Variants in TDRD7 observed in about 807,000 individuals in gnomAD.
TDRD7 encodes tudor domain-containing protein 7.
Under a neutral mutation model 109.8 loss-of-function variants are expected in TDRD7, and 47 were observed. The observed-to-expected ratio is 0.43, with a 90% CI of 0.34 to 0.55. The LOEUF is 0.55. TDRD7 is among the 20% of genes least tolerant of loss of function. The pLI is 0.03. For synonymous variants in TDRD7, 424 were observed against 457.3 expected (o/e 0.93, Z 0.93); for missense variants, 1,164 against 1,319.2 (o/e 0.88, Z 1.82).
intron 6 of TDRD7, among the ~76,000 whole-genome samples, chr9:97,453,883 C>T (rs1015404137): frequency 3.9e-5 from 6 of 152,070 alleles, no homozygotes; most frequent in Non-Finnish European, 7.4e-5. Flanking sequence ...AATACAAGAG[C>T]GCGCAGATTC....
rs569255970 is a variant in TDRD7 at position 97,480,616 on chromosome 9, G to A, written c.2302-212G>A. 3.6e-5 allele frequency: 20 copies of A among 556,012 alleles called. 1 individual carries two copies. The highest frequency in any genetic ancestry group is 3.2e-4 in the African/African-American group (17 of 53,742). The allele number at this position is 556,012 out of a possible 1,614,324, so 34.4% of individuals were successfully genotyped here. A position where few individuals can be genotyped will look rare whatever the true frequency, so the allele number is the denominator to read the frequency against. ...TATGGAGTGCTGGGGGTAAGCCCTGGCTCATAAAGGAGTAAAGACAATAGT... is the reference window on the plus strand; with the variant it reads ...TATGGAGTGCTGGGGGTAAGCCCTGACTCATAAAGGAGTAAAGACAATAGT... On this transcript the variant is annotated intron_variant, in intron 13 of 16. Coordinates refer to ENST00000355295, the MANE Select transcript of TDRD7 (RefSeq NM_014290.3).
At chr9:97,420,327 T>G (rs1348367080) in intron 1 of TDRD7, among the ~76,000 whole-genome samples, 1 of 118,030 alleles carries the variant, frequency 8.5e-6, no homozygotes, top group African/African-American at 3.3e-5. Flanking sequence ...CAGAGAGGGC[T>G]GACCACAGAG....
At chr9:97,494,234 C>T in intron 16 of TDRD7, among the ~76,000 whole-genome samples, 1 of 152,198 alleles carries the variant, frequency 6.6e-6, no homozygotes, top group Non-Finnish European at 1.5e-5. Flanking sequence ...ATGAAATTTT[C>T]ACAATTTATG....
intron 1 of TDRD7, among the ~76,000 whole-genome samples, chr9:97,425,832 G>T (rs906993509): frequency 6.6e-5 from 10 of 152,148 alleles, no homozygotes; most frequent in Admixed American, 5.2e-4. Context: ...CAGTTTCATT[G>T]CTGTGCAAAC....
At chr9:97,441,554 C>G in intron 5 of TDRD7, 104 bp from the exon 6 acceptor site, 1 of 1,050,498 alleles carries the variant, frequency 9.5e-7, no homozygotes, top group Non-Finnish European at 1.4e-6. Flanking sequence ...TTGGCTACCA[C>G]AAGCCCACAC....
At chr9:97,469,255 T>C (rs751114630) in intron 8 of TDRD7, among the ~76,000 whole-genome samples, 5 of 152,172 alleles carry the variant, frequency 3.3e-5, no homozygotes, top group African/African-American at 7.2e-5. Flanking sequence ...CAGGTGCTAA[T>C]TTAGGATTGG....
At chr9:97,495,520 G>A (rs1463418639) in intron 16 of TDRD7, 143 bp from the exon 17 acceptor site, 4 of 781,580 alleles carry the variant, frequency 5.1e-6, no homozygotes, top group Non-Finnish European at 6.7e-6. Flanking sequence ...AGATTGTTCA[G>A]TAACCGTTTT....
At chr9:97,492,370 A>G (rs1451077231) in intron 16 of TDRD7, among the ~76,000 whole-genome samples, 1 of 152,214 alleles carries the variant, frequency 6.6e-6, no homozygotes, top group Non-Finnish European at 1.5e-5. Flanking sequence ...ATCTTGTCCA[A>G]GATCCCACAC....
At chr9:97,432,437 G>A (rs1425399390) in intron 4 of TDRD7, among the ~76,000 whole-genome samples, 199 bp downstream of exon 4, 1 of 152,156 alleles carries the variant, frequency 6.6e-6, no homozygotes, top group East Asian at 1.9e-4. Context: ...TATTTTCTCT[G>A]TATTGTCAAT....
chr9:97,451,612 G>A (rs1433186180), intron 6 of TDRD7, among the ~76,000 whole-genome samples: 1 of 152,208 alleles, frequency 6.6e-6, no homozygotes, highest in Admixed American at 6.5e-5. Flanking sequence ...TAGTAAACCA[G>A]TAAACATGTT....
intron 2 of TDRD7, among the ~76,000 whole-genome samples, chr9:97,430,519 G>T (rs576951160): frequency 6.6e-6 from 1 of 152,228 alleles, no homozygotes; most frequent in East Asian, 1.9e-4. Flanking sequence ...AAAGAGCCTC[G>T]CCATGTGACT....
intron 16 of TDRD7, among the ~76,000 whole-genome samples, chr9:97,488,335 G>A (rs1829246191): frequency 6.6e-6 from 1 of 152,210 alleles, no homozygotes; most frequent in African/African-American, 2.4e-5. Context: ...TGTCAGCAAT[G>A]AAAGAAATTG....
chr9:97,454,249 G>A (rs775375230), intron 6 of TDRD7, among the ~76,000 whole-genome samples: 3 of 152,216 alleles, frequency 2.0e-5, no homozygotes, highest in Non-Finnish European at 4.4e-5. Flanking sequence ...GGGAGGCTGA[G>A]GTGGGTGGAT....
At chr9:97,482,037 A>G (rs1267637582) in intron 14 of TDRD7, among the ~76,000 whole-genome samples, 1 of 152,142 alleles carries the variant, frequency 6.6e-6, no homozygotes, top group Non-Finnish European at 1.5e-5. Context: ...TATCATTCCT[A>G]AGATAAACCA....
rs970330260 is a variant in TDRD7 at position 97,412,836 on chromosome 9, G to C, written c.-7+598G>C. Among the ~76,000 whole-genome samples the C allele has an allele frequency of 1.3e-5, 2 of 152,180 alleles. No homozygotes were observed. Among genetic ancestry groups the C allele is most frequent in the African/African-American group, 4.8e-5 (2 of 41,436 alleles). On this transcript the variant is annotated intron_variant, in intron 1 of 16. Transcript: ENST00000355295. This position sits in a 1 kb window ranked among gnomAD's most constrained non-coding sequence, Gnocchi z 4.3. ...AGCACCCAGCTGGGAGGGAAACATG[G>C]ATCCGTGAGTAAGTTGTCTCTCAAC...
At position 97,478,503 on chromosome 9, in the gene TDRD7, C is replaced by G. The variant is rs756944630; in HGVS notation, c.2231C>G (p.Ser744Cys). ...TTCCTGGACTCTGGCACTGTGACAT[C>G]TGTAAAAGTGTCAGAGCTCAGGGAA... ...VQFLDSGTVT[S>C]VKVSELREIP... The change falls in exon 13 of 17, where the codon TCT becomes TGT. Residue 744 changes from serine to cysteine, a missense_variant. Physicochemically the swap from Ser to Cys is moderately radical, Grantham distance 112. Around this residue, in one of 5 missense-constraint regions of TDRD7, gnomAD observed 233 missense variants for 218.0 expected, o/e 1.07. Coordinates refer to ENST00000355295, the MANE Select transcript of TDRD7 (RefSeq NM_014290.3). 2 of 1,613,898 alleles carry G rather than the reference C, an allele frequency of 1.2e-6. No homozygotes were observed. The highest frequency in any genetic ancestry group is 1.7e-6 in the Non-Finnish European group (2 of 1,179,966).
At chr9:97,490,909 CTTTTTTTTTTTTTTT>C (rs1174656625) in intron 16 of TDRD7, among the ~76,000 whole-genome samples, 4 of 77,648 alleles carry the variant, frequency 5.2e-5, no homozygotes, top group Non-Finnish European at 9.4e-5. Flanking sequence ...CTTTTCTTTT[CTTTTTTTTTTTTTTT>C]TTTTTTTTTG....
intron 1 of TDRD7, among the ~76,000 whole-genome samples, chr9:97,426,423 T>C (rs927288111): frequency 6.6e-6 from 1 of 152,124 alleles, no homozygotes; most frequent in African/African-American, 2.4e-5. Context: ...AGCTAATTTT[T>C]CTATTTTTTG....
chr9:97,467,636 A>G (rs1187652416), intron 8 of TDRD7, among the ~76,000 whole-genome samples: 2 of 152,262 alleles, frequency 1.3e-5, no homozygotes, highest in African/African-American at 2.4e-5. Flanking sequence ...TTTTAGTACA[A>G]TGAAGGAAAT....
Sources: allele counts gnomAD v4.1 joint callset (sites outside exome capture counted in the v4.1 genomes callset), GRCh38; gene constraint gnomAD v4.1.1; regional missense constraint gnomAD v4.1.1; non-coding constraint Gnocchi (gnomAD v3.1); transcripts MANE v1.5; gene names NCBI Gene and HGNC (gene_info 2026-07-23, HGNC 2026-07-21).